Variants in CCDC146 observed in about 807,000 individuals in gnomAD.
CCDC146 encodes coiled-coil domain containing 146, also known as coiled-coil domain-containing protein 146.
In CCDC146, 92 loss-of-function variants were observed where a neutral mutation model predicts 119.3. That is an observed-to-expected ratio of 0.77 (90% CI 0.65 to 0.92). The LOEUF (loss-of-function observed/expected upper bound fraction) is 0.92, where lower values mean the gene tolerates loss of function less well. Among genes scored for constraint, CCDC146 ranks in the 40% least tolerant of loss-of-function variants. The pLI, the probability that CCDC146 is intolerant of heterozygous loss-of-function variation, is 0.00. For missense variants in CCDC146, 1,000 were observed against 1,103.0 expected (o/e 0.91, Z 1.32); for synonymous variants, 372 against 371.8 (o/e 1.00, Z -0.01).
intron 2 of CCDC146, among the ~76,000 whole-genome samples, chr7:77,191,929 T>C (rs1250829956): frequency 1.3e-5 from 2 of 151,382 alleles, no homozygotes; most frequent in Non-Finnish European, 3.0e-5. Flanking sequence ...AAAATAATAA[T>C]AACTACTTAG....
At chr7:77,181,779 T>G (rs1201309734) in intron 2 of CCDC146, among the ~76,000 whole-genome samples, 1 of 152,214 alleles carries the variant, frequency 6.6e-6, no homozygotes, top group African/African-American at 2.4e-5. Context: ...TTTCCCCATG[T>G]GGAAATTAAT....
intron 1 of CCDC146, among the ~76,000 whole-genome samples, chr7:77,160,256 T>C (rs1041313724): frequency 2.0e-5 from 3 of 152,176 alleles, no homozygotes; most frequent in African/African-American, 4.8e-5. Flanking sequence ...ATGTGGGCTC[T>C]TTTTTGGTTC....
chr7:77,221,117 C>T (rs376829983), intron 2 of CCDC146, among the ~76,000 whole-genome samples: 33 of 152,200 alleles, frequency 2.2e-4, no homozygotes, highest in African/African-American at 5.8e-4. Flanking sequence ...AACTCTATCA[C>T]GAGACAGCAC....
At chr7:77,134,053 G>T (rs1424500914) in intron 1 of CCDC146, among the ~76,000 whole-genome samples, 1 of 152,102 alleles carries the variant, frequency 6.6e-6, no homozygotes, top group Non-Finnish European at 1.5e-5. Flanking sequence ...TGCATACCCT[G>T]CATAAGAGAA....
intron 1 of CCDC146, among the ~76,000 whole-genome samples, chr7:77,149,136 A>G (rs910651556): frequency 2.0e-5 from 3 of 152,208 alleles, no homozygotes; most frequent in African/African-American, 7.2e-5. Flanking sequence ...AGATATATAG[A>G]CCAATGGAAG....
At position 77,211,905 on chromosome 7, in the gene CCDC146, C is replaced by T. The variant is rs115063009; in HGVS notation, c.157-25042C>T. Among the ~76,000 whole-genome samples, 816 of 152,182 alleles carry T rather than the reference C, an allele frequency of 5.4e-3. 14 individuals are homozygous for T. Among genetic ancestry groups the T allele is most frequent in the African/African-American group, 0.018 (740 of 41,518 alleles). On this transcript the variant is annotated intron_variant, in intron 2 of 18. Coordinates refer to ENST00000285871, the MANE Select transcript of CCDC146 (RefSeq NM_020879.3). ...TGCTGAGATTACAGGTGTAAGCTGC[C>T]GCATCCAGCCTATTTACTCTTTTAA... is the stretch of plus-strand genomic sequence containing the variant.
chr7:77,145,157 G>C (rs1402687881), intron 1 of CCDC146, among the ~76,000 whole-genome samples: 2 of 151,794 alleles, frequency 1.3e-5, no homozygotes, highest in Admixed American at 1.3e-4. Flanking sequence ...GAGGGTGTAT[G>C]TGTCCAGGAA....
intron 4 of CCDC146, among the ~76,000 whole-genome samples, chr7:77,244,806 T>TC (rs11373748): frequency 0.94 from 142,562 of 152,252 alleles, 66,879 homozygotes; most frequent in African/African-American, 0.98. Context: ...CTGACCTCCT[T>TC]CCCCTGGAAA....
intron 2 of CCDC146, among the ~76,000 whole-genome samples, chr7:77,218,217 A>G (rs891907365): frequency 7.2e-5 from 11 of 152,030 alleles, no homozygotes; most frequent in African/African-American, 2.2e-4. Context: ...GACTGTATGT[A>G]GGTATGTGTG....
At chr7:77,244,376 G>C (rs1410478420) in intron 4 of CCDC146, among the ~76,000 whole-genome samples, 2 of 152,106 alleles carry the variant, frequency 1.3e-5, no homozygotes, top group Non-Finnish European at 2.9e-5. Context: ...TAATGTCCTA[G>C]GTCTTCACAT....
chr7:77,259,793 C>T (rs748922081), intron 7 of CCDC146, among the ~76,000 whole-genome samples: 21 of 152,018 alleles, frequency 1.4e-4, no homozygotes, highest in African/African-American at 2.2e-4. Flanking sequence ...TCCTGCCTTC[C>T]GTGGCACTCA....
At chr7:77,216,441 C>G (rs1473346210) in intron 2 of CCDC146, among the ~76,000 whole-genome samples, 1 of 152,096 alleles carries the variant, frequency 6.6e-6, no homozygotes, top group Admixed American at 6.6e-5. Flanking sequence ...AGAATCAAGT[C>G]CCTACAAAGC....
intron 13 of CCDC146, 78 bp downstream of exon 13, chr7:77,279,179 G>A: frequency 6.7e-7 from 1 of 1,485,186 alleles, no homozygotes; most frequent in East Asian, 2.3e-5. Context: ...CTGGGGATAA[G>A]AAGATAGGAA....
At chr7:77,199,420 A>T (rs375874418) in intron 2 of CCDC146, 1 of 1,613,182 alleles carries the variant, frequency 6.2e-7, no homozygotes, top group African/African-American at 1.3e-5. Flanking sequence ...GTTATCACCA[A>T]CCTCTCCCGG....
In CCDC146 at chr7:77,260,048, C is replaced by T. The variant is rs756439636; in HGVS notation, c.798C>T (p.Val266=). 52 of 1,605,294 alleles carry T rather than the reference C, an allele frequency of 3.2e-5. No individual in the cohort carries two copies. The highest frequency in any genetic ancestry group is 4.2e-5 in the Non-Finnish European group (49 of 1,175,702). ...EKKKIVLEQE[V]KTLNDSLKKV... is the part of the protein sequence containing the mutation. ...AAAAAATTGTCTTGGAACAAGAAGT[C>T]AAAACGCTAAATGACTCCCTAAAGA... Residue 266 remains valine (V), a synonymous_variant, in exon 8 of 19, where the codon GTC becomes GTT. Transcript: ENST00000285871.
chr7:77,290,023 C>T (rs928761238), intron 17 of CCDC146, among the ~76,000 whole-genome samples: 2 of 152,028 alleles, frequency 1.3e-5, no homozygotes, highest in African/African-American at 4.8e-5. Context: ...CTGGATTAAG[C>T]AAATGTGGTA....
At chr7:77,156,555 A>G (rs1222032951) in intron 1 of CCDC146, among the ~76,000 whole-genome samples, 1 of 152,078 alleles carries the variant, frequency 6.6e-6, no homozygotes, top group Non-Finnish European at 1.5e-5. Context: ...TATACCTACT[A>G]TGTACCCACA....
At chr7:77,188,566 C>T (rs1302485015) in intron 2 of CCDC146, among the ~76,000 whole-genome samples, 1 of 152,204 alleles carries the variant, frequency 6.6e-6, no homozygotes, top group East Asian at 1.9e-4. Context: ...CAGGTACACA[C>T]ACACGCACTG....
rs1792853203 is a variant in CCDC146, at chr7:77,241,697, A to G, written c.246A>G (p.Gln82=). 2 of 1,613,676 alleles carry G rather than the reference A, an allele frequency of 1.2e-6. No individual in the cohort carries two copies. Among genetic ancestry groups the G allele is most frequent in the Non-Finnish European group, 8.5e-7 (1 of 1,179,968 alleles). Residue 82 remains glutamine, a synonymous_variant, in exon 4 of 19, where the codon CAA becomes CAG. Coordinates refer to ENST00000285871, the MANE Select transcript of CCDC146 (RefSeq NM_020879.3). ...TGTTTTTCATGTAACCCAGCACACA[A>G]GAGTCAGAGGTCCAACTGCTACAGA... ...TLLHDAVMST[Q]ESEVQLLQNA...
Sources: allele counts gnomAD v4.1 joint callset (sites outside exome capture counted in the v4.1 genomes callset), GRCh38; gene constraint gnomAD v4.1.1; transcripts MANE v1.5; gene names NCBI Gene and HGNC (gene_info 2026-07-23, HGNC 2026-07-21).